The following CDH8 variants were observed in gnomAD, a reference collection of about 807,000 sequenced individuals.
CDH8 encodes cadherin 8.
Under a neutral mutation model 68.1 loss-of-function variants are expected in CDH8, and 17 were observed. The observed-to-expected ratio is 0.25, with a 90% CI of 0.17 to 0.37. CDH8 has a LOEUF of 0.37. Ranked by LOEUF, CDH8 falls within the 10% of genes least tolerant of loss-of-function variation. The pLI, the probability that CDH8 is intolerant of heterozygous loss-of-function variation, is 1.00. For missense variants in CDH8, 763 were observed against 999.3 expected, an observed-to-expected ratio of 0.76 and a Z score of 3.19; for synonymous variants, 372 against 365.1, an observed-to-expected ratio of 1.02 and a Z score of -0.21.
chr16:61,825,486 C>T (rs1420332128), intron 4 of CDH8, among the ~76,000 whole-genome samples: 2 of 151,812 alleles, frequency 1.3e-5, no homozygotes, highest in South Asian at 2.1e-4. Context: ...TATATCATAA[C>T]ACAGTCTCGT....
intron 8 of CDH8, among the ~76,000 whole-genome samples, chr16:61,748,779 C>G (rs920591500): frequency 1.3e-5 from 2 of 151,948 alleles, no homozygotes; most frequent in East Asian, 1.9e-4. Context: ...CAACTTGACC[C>G]GAGCATTCAT....
In CDH8 at chr16:62,001,102, C is replaced by A. The variant is rs145113257; in HGVS notation, c.252+20050G>T. On this transcript the variant is annotated intron_variant, in intron 2 of 11. Coordinates refer to ENST00000577390, the MANE Select transcript of CDH8 (RefSeq NM_001796.5). The stretch of plus-strand genomic sequence containing the variant: ...CTCATTCACGTAGATAATGAAGACA[C>A]AAATTAGGGGAATGACTGGTCTAGT... 1.3e-4 allele frequency among the ~76,000 whole-genome samples: 20 copies of A among 152,190 alleles called. 1 individual carries two copies. The East Asian group carries it at 3.9e-3, about 29-fold the overall frequency.
intron 4 of CDH8, among the ~76,000 whole-genome samples, chr16:61,835,166 C>G (rs1962542486): frequency 6.6e-6 from 1 of 151,832 alleles, no homozygotes; most frequent in African/African-American, 2.4e-5. Context: ...TGCCCTGCCC[C>G]ATTTATGCTT....
intron 4 of CDH8, among the ~76,000 whole-genome samples, chr16:61,831,006 G>A (rs1251151349): frequency 1.3e-5 from 2 of 151,682 alleles, no homozygotes; most frequent in Non-Finnish European, 2.9e-5. Flanking sequence ...ACATCCCTGG[G>A]ACAAACTTTT....
chr16:61,798,341 T>C (rs886722267), intron 7 of CDH8, among the ~76,000 whole-genome samples: 1 of 151,922 alleles, frequency 6.6e-6, no homozygotes, highest in African/African-American at 2.4e-5. Context: ...TTAAGAGGAG[T>C]GACATGATAT....
intron 2 of CDH8, among the ~76,000 whole-genome samples, chr16:61,988,405 A>T (rs1029240957): frequency 5.3e-5 from 8 of 152,216 alleles, no homozygotes; most frequent in Non-Finnish European, 1.2e-4. Context: ...TATACAAAAT[A>T]TGACTTTCTA....
chr16:61,736,102 A>G (rs1188280289), intron 8 of CDH8, among the ~76,000 whole-genome samples: 3 of 123,714 alleles, frequency 2.4e-5, no homozygotes, highest in Non-Finnish European at 5.2e-5. Flanking sequence ...AAAGAAGGAA[A>G]GAAAGAAAGA....
At chr16:61,942,630 T>C (rs190622713) in intron 2 of CDH8, among the ~76,000 whole-genome samples, 1 of 152,218 alleles carries the variant, frequency 6.6e-6, no homozygotes, top group Non-Finnish European at 1.5e-5. Flanking sequence ...CATACCACTC[T>C]ACTGCTAGCT....
rs5817322 is a variant in CDH8 at position 61,885,711 on chromosome 16, CAA to C, written c.547+15466_547+15467del. 5.3e-3 allele frequency among the ~76,000 whole-genome samples: 612 copies of C among 116,366 alleles called. 4 individuals carry two copies. The highest frequency in any genetic ancestry group is 8.3e-3 in the African/African-American group (281 of 33,854). The allele number at this position is 116,366 out of a possible 152,430, so 76.3% of individuals were successfully genotyped here. ...TAATAATTACACAGGAATAGCAATCCAAAAAAAAAAAAAAAAGGAATCTTAGG... is the reference window on the plus strand; with the variant it reads ...TAATAATTACACAGGAATAGCAATCCAAAAAAAAAAAAAAGGAATCTTAGG... On this transcript the variant is annotated intron_variant, in intron 3 of 11. Transcript: ENST00000577390.
chr16:61,746,359 A>G (rs1481368673), intron 8 of CDH8, among the ~76,000 whole-genome samples: 1 of 151,736 alleles, frequency 6.6e-6, no homozygotes, highest in Non-Finnish European at 1.5e-5. Context: ...AATCAGTTAA[A>G]CTCTGAAAGG....
At chr16:61,791,113 C>T (rs1435414644) in intron 7 of CDH8, among the ~76,000 whole-genome samples, 1 of 151,822 alleles carries the variant, frequency 6.6e-6, no homozygotes, top group Admixed American at 6.6e-5. Flanking sequence ...GAAATAATAA[C>T]TGCCCATTTA....
At chr16:61,998,738 G>T (rs896476440) in intron 2 of CDH8, among the ~76,000 whole-genome samples, 7 of 152,152 alleles carry the variant, frequency 4.6e-5, no homozygotes, top group African/African-American at 1.7e-4. Flanking sequence ...AAAGCTACTT[G>T]TCAACTAGAA....
intron 2 of CDH8, among the ~76,000 whole-genome samples, chr16:61,928,159 G>A (rs536537193): frequency 1.3e-5 from 2 of 152,080 alleles, no homozygotes; most frequent in South Asian, 4.1e-4. Context: ...AAAATACTTA[G>A]GGCAAAACAA....
At chr16:61,702,805 T>C (rs564419249) in intron 10 of CDH8, among the ~76,000 whole-genome samples, 25 of 152,304 alleles carry the variant, frequency 1.6e-4, no homozygotes, top group African/African-American at 5.5e-4. Flanking sequence ...CTGTGGAAAA[T>C]GCAGCTTTAG....
At position 61,769,811 on chromosome 16, in the gene CDH8, G is replaced by T. The variant is rs374339699; in HGVS notation, c.1414+19535C>A. On this transcript the variant is annotated intron_variant, in intron 8 of 11. Transcript: ENST00000577390. ...ATGGCCAAACTACACTGGATAAAAT[G>T]AACATGCCATATTCTATGATTGCTA... 3.6e-4 allele frequency among the ~76,000 whole-genome samples: 54 copies of T among 152,058 alleles called. No individual in the cohort carries two copies. The East Asian group carries it at 8.5e-3, about 24-fold the overall frequency.
chr16:61,980,891 C>A (rs558786945), intron 2 of CDH8, among the ~76,000 whole-genome samples: 2 of 152,188 alleles, frequency 1.3e-5, no homozygotes, highest in African/African-American at 4.8e-5. Flanking sequence ...GAAGAAAAAA[C>A]GCCAGATTTG....
chr16:61,922,406 C>T (rs1343450416), intron 2 of CDH8, among the ~76,000 whole-genome samples: 1 of 151,942 alleles, frequency 6.6e-6, no homozygotes, highest in African/African-American at 2.4e-5. Context: ...CAAAATAAAA[C>T]ACTCCACCCA....
chr16:61,967,860 G>A (rs558301133), intron 2 of CDH8, among the ~76,000 whole-genome samples: 3 of 152,280 alleles, frequency 2.0e-5, no homozygotes, highest in Non-Finnish European at 4.4e-5. Context: ...CCAGGCTGGA[G>A]TGCAATGGCA....
chr16:61,826,748 C>T (rs1962345243), intron 4 of CDH8, among the ~76,000 whole-genome samples: 1 of 151,540 alleles, frequency 6.6e-6, no homozygotes, highest in South Asian at 2.1e-4. Flanking sequence ...CCAAGAGTTA[C>T]CAGGGAAATA....
Sources: gnomAD v4.1 joint callset for allele counts (sites outside exome capture counted in the v4.1 genomes callset) on GRCh38, gnomAD v4.1.1 for gene constraint, MANE v1.5 for transcripts, NCBI Gene and HGNC (gene_info 2026-07-23, HGNC 2026-07-21) for gene names.